SENP2: variants seen among roughly 807,000 people sequenced by gnomAD.
SENP2 encodes the protein sentrin-specific protease 2.
SENP2 carries 16 observed loss-of-function variants against 86.3 expected under a neutral mutation model. The ratio of observed to expected loss-of-function variants is 0.19; its 90% CI spans 0.13 to 0.28. The LOEUF (loss-of-function observed/expected upper bound fraction) is 0.28, where lower values mean the gene tolerates loss of function less well. SENP2 is among the 10% of genes least tolerant of loss of function. SENP2 has a pLI of 1.00. For missense variants in SENP2, 552 were observed against 703.0 expected, an observed-to-expected ratio of 0.79 and a Z score of 2.43; for synonymous variants, 222 against 238.7, an observed-to-expected ratio of 0.93 and a Z score of 0.64.
intron 11 of SENP2, 50 bp from the exon 12 acceptor site, chr3:185,617,430 T>C: frequency 6.6e-7 from 1 of 1,505,594 alleles, no homozygotes; most frequent in African/African-American, 1.4e-5. Flanking sequence ...CAATAACTGA[T>C]AATGAATGGT....
rs1361996096 is a variant in SENP2 at position 185,633,328 on chromosome 3, A to AATC, written c.*3485_*3487dup. 2 of 152,214 alleles carry AATC rather than the reference A, an allele frequency of 1.3e-5. No homozygotes were observed. Among genetic ancestry groups the AATC allele is most frequent in the African/African-American group, 4.8e-5 (2 of 41,456 alleles). 9.4% of individuals were successfully genotyped at this position (152,214 alleles called of 1,614,324 possible). A position where few individuals can be genotyped will look rare whatever the true frequency, so the allele number is the denominator to read the frequency against. ...GCTTTTGTGAACTGATTGGGAACCT[A>AATC]ATCTCTTTTGTAACTGTTTGAGAAA... On this transcript the variant is annotated 3_prime_UTR_variant, in exon 17 of 17. Coordinates refer to ENST00000296257, the MANE Select transcript of SENP2 (RefSeq NM_021627.3).
At position 185,623,961 on chromosome 3, in the gene SENP2, AT is replaced by A. The variant is rs769405767; in HGVS notation, c.1527-34del. ...ACCATAATGGTTAATTTCTTTAGGG[AT>A]TTATTGATGTATTCCTTCTTTGTTT... On this transcript the variant is annotated intron_variant, in intron 14 of 16. Transcript: ENST00000296257. The A allele has an allele frequency of 8.9e-6, 11 of 1,241,086 alleles. No individual in the cohort carries two copies. In the South Asian group the frequency reaches 1.4e-4, roughly 16 times the overall value. The allele number at this position is 1,241,086 out of a possible 1,614,324, so 76.9% of individuals were successfully genotyped here.
intron 5 of SENP2, among the ~76,000 whole-genome samples, chr3:185,605,549 T>A (rs577214684): frequency 6.9e-4 from 105 of 152,346 alleles, no homozygotes; most frequent in African/African-American, 2.3e-3. Context: ...ATAGTTTTCA[T>A]GTCTCTTTGA....
chr3:185,615,673 A>G (rs907681759), intron 11 of SENP2, among the ~76,000 whole-genome samples: 1 of 152,122 alleles, frequency 6.6e-6, no homozygotes, highest in Non-Finnish European at 1.5e-5. Context: ...TTGGGTTTAT[A>G]GATTTAGTTT....
At chr3:185,617,315 G>GA (rs1418841620) in intron 11 of SENP2, among the ~76,000 whole-genome samples, 165 bp from the exon 12 acceptor site, 1 of 151,914 alleles carries the variant, frequency 6.6e-6, no homozygotes, top group East Asian at 1.9e-4. Flanking sequence ...CTAAAAATAA[G>GA]AAAAAAATGT....
rs147553782 is a variant in SENP2, at chr3:185,609,299, A to C, written c.671A>C (p.Lys224Thr). 6.0e-5 allele frequency: 97 copies of C among 1,613,796 alleles called. No individual in the cohort carries two copies. Among genetic ancestry groups the C allele is most frequent in the Non-Finnish European group, 7.9e-5 (93 of 1,179,898 alleles). Residue 224 changes from lysine to threonine, a missense_variant, in exon 7 of 17, where the codon AAA (lysine) becomes ACA (threonine). Coordinates refer to ENST00000296257, the MANE Select transcript of SENP2 (RefSeq NM_021627.3). ...TACCGAAAGTTATTGGAACGACTTA[A>C]AGAAAGTGGTCATGGAAACTCTGTC... Reference protein sequence around the residue: ...EKYRKLLERLKESGHGNSVCP... With the variant: ...EKYRKLLERLTESGHGNSVCP...
At chr3:185,590,998 A>G (rs1309162244) in intron 2 of SENP2, among the ~76,000 whole-genome samples, 2 of 110,350 alleles carry the variant, frequency 1.8e-5, no homozygotes, top group Non-Finnish European at 3.4e-5. Context: ...TCTGCCTCCC[A>G]GGTTCACGCC....
Position 185,609,302 on chromosome 3 carries a change from A to G in SENP2, c.674A>G (p.Glu225Gly), listed in dbSNP as rs1346772192. 2 of 1,613,904 alleles carry G rather than the reference A, an allele frequency of 1.2e-6. No homozygotes were observed. Among genetic ancestry groups the G allele is most frequent in the South Asian group, 1.1e-5 (1 of 91,064 alleles). ...CGAAAGTTATTGGAACGACTTAAAG[A>G]AAGTGGTCATGGAAACTCTGTCTGT... ...KYRKLLERLK[E>G]SGHGNSVCPV... Residue 225 changes from glutamate (E) to glycine (G), a missense_variant, in exon 7 of 17, where the codon GAA becomes GGA. By Grantham distance (98) the Glu-to-Gly change is moderately conservative. Transcript: ENST00000296257.
Position 185,617,497 on chromosome 3 carries a change from C to T in SENP2, c.1128C>T (p.Ile376=). The change falls in exon 12 of 17, where the codon ATC becomes ATT. Residue 376 remains isoleucine (I), a synonymous_variant. Coordinates refer to ENST00000296257, the MANE Select transcript of SENP2 (RefSeq NM_021627.3). ...TAATTCAGGACATGGAAAAGGAAATCAGTAATGCCCTAGGCCATGGCCCAC... is the reference window on the plus strand; with the variant it reads ...TAATTCAGGACATGGAAAAGGAAATTAGTAATGCCCTAGGCCATGGCCCAC... The part of the protein sequence containing the change: ...LELTEDMEKE[I]SNALGHGPQD... 6.2e-7 allele frequency: 1 copy of T among 1,608,610 alleles called. No homozygotes were observed. The highest frequency in any genetic ancestry group is 8.5e-7 in the Non-Finnish European group (1 of 1,177,652).
chr3:185,625,711 C>T (rs1449955226), intron 15 of SENP2, among the ~76,000 whole-genome samples: 1 of 152,194 alleles, frequency 6.6e-6, no homozygotes, highest in Non-Finnish European at 1.5e-5. Flanking sequence ...TCCAGAACTT[C>T]TCTCTGTCCA....
chr3:185,620,305 G>C (rs1175351336), intron 13 of SENP2, among the ~76,000 whole-genome samples: 1 of 152,040 alleles, frequency 6.6e-6, no homozygotes, highest in Non-Finnish European at 1.5e-5. Flanking sequence ...TTGAGCTCCT[G>C]GCTTTAAGCA....
chr3:185,630,056 C>T lies in SENP2; in HGVS notation c.*212C>T. 1.8e-6 allele frequency: 1 copy of T among 554,268 alleles called. No homozygotes were observed. Among genetic ancestry groups the T allele is most frequent in the African/African-American group, 1.9e-5 (1 of 53,274 alleles). The allele number at this position is 554,268 out of a possible 1,614,324, so 34.3% of individuals were successfully genotyped here. A position where few individuals can be genotyped will look rare whatever the true frequency, so the allele number is the denominator to read the frequency against. Reference sequence around the variant, plus strand: ...TCCTGTTTGTAAGGCTGTGCCTGCTCAGAGCTTTGGACTGTTCAACCCACA... The same window carrying T: ...TCCTGTTTGTAAGGCTGTGCCTGCTTAGAGCTTTGGACTGTTCAACCCACA... On this transcript the variant is annotated 3_prime_UTR_variant, in exon 17 of 17. Transcript: ENST00000296257.
intron 5 of SENP2, among the ~76,000 whole-genome samples, chr3:185,602,832 TAAAAA>T (rs1156317272): frequency 3.2e-5 from 2 of 63,052 alleles, no homozygotes; most frequent in Admixed American, 2.2e-4. Context: ...GACTCTGTCT[TAAAAA>T]AAAAAAAAAA....
intron 14 of SENP2, among the ~76,000 whole-genome samples, chr3:185,622,146 G>C (rs1711917620): frequency 6.6e-6 from 1 of 152,192 alleles, no homozygotes. Flanking sequence ...CCTGTGACTT[G>C]CATTAGATTT....
At chr3:185,587,752 T>TTTTTTTTTTTG (rs1721840463) in intron 1 of SENP2, among the ~76,000 whole-genome samples, 4 of 141,226 alleles carry the variant, frequency 2.8e-5, no homozygotes, top group Admixed American at 7.2e-5. Flanking sequence ...TTTTTTTTTT[T>TTTTTTTTTTTG]GAGACAGAGT....
intron 13 of SENP2, among the ~76,000 whole-genome samples, chr3:185,621,395 T>C (rs867953602): frequency 4.0e-4 from 53 of 133,910 alleles, no homozygotes; most frequent in Admixed American, 6.0e-4. Context: ...TCTTTTTTTT[T>C]TTTTTTTTTT....
chr3:185,600,571 AAACT>A (rs1305386226), intron 4 of SENP2, among the ~76,000 whole-genome samples, 190 bp from the exon 5 acceptor site: 4 of 152,324 alleles, frequency 2.6e-5, no homozygotes, highest in African/African-American at 7.2e-5. Context: ...GATCAAAAAC[AAACT>A]AAGCCCTATT....
intron 6 of SENP2, chr3:185,606,948 C>A (rs1577728754): frequency 1.3e-5 from 4 of 306,658 alleles, no homozygotes; most frequent in South Asian, 3.2e-5. Flanking sequence ...TTTTTGGGAG[C>A]AAATAATATA....
intron 12 of SENP2, among the ~76,000 whole-genome samples, chr3:185,619,001 C>A (rs1195276021): frequency 6.6e-6 from 1 of 152,174 alleles, no homozygotes; most frequent in Non-Finnish European, 1.5e-5. Context: ...GTTAATATTT[C>A]TGCGTATTTT....
Sources: allele counts gnomAD v4.1 joint callset (sites outside exome capture counted in the v4.1 genomes callset), GRCh38; gene constraint gnomAD v4.1.1; transcripts MANE v1.5; gene names NCBI Gene and HGNC (gene_info 2026-07-23, HGNC 2026-07-21).